Variants in CNTNAP2 observed in about 807,000 individuals in gnomAD.
The protein encoded by CNTNAP2 is contactin associated protein 2.
Under a neutral mutation model 155.2 loss-of-function variants are expected in CNTNAP2, and 98 were observed. That is an observed-to-expected ratio of 0.63 (90% CI 0.54 to 0.75). The LOEUF (loss-of-function observed/expected upper bound fraction) is 0.75. CNTNAP2 is among the 30% of genes least tolerant of loss of function. The pLI, the probability that CNTNAP2 is intolerant of heterozygous loss-of-function variation, is 0.00. For missense variants in CNTNAP2, 1,727 were observed against 1,688.1 expected (o/e 1.02, Z -0.40); for synonymous variants, 651 against 631.2 (o/e 1.03, Z -0.47).
intron 3 of CNTNAP2, among the ~76,000 whole-genome samples, chr7:146,975,419 C>T (rs1323929884): frequency 2.0e-5 from 3 of 152,120 alleles, no homozygotes; most frequent in Admixed American, 1.3e-4. Context: ...GAGCCAAGAT[C>T]ATGCCACTGC....
At position 147,360,452 on chromosome 7, in the gene CNTNAP2, C is replaced by T. The variant is rs547577305; in HGVS notation, c.1499-35157C>T. Among the ~76,000 whole-genome samples the T allele has an allele frequency of 2.6e-5, 4 of 152,206 alleles. 1 individual carries two copies. The South Asian group carries it at 6.2e-4, about 24-fold the overall frequency. Reference sequence around the variant, plus strand: ...AAAAGTGTGTTGACCATACCAGTCCCTATCTTTAAAGACATGAGATAATTT... The same window carrying T: ...AAAAGTGTGTTGACCATACCAGTCCTTATCTTTAAAGACATGAGATAATTT... On this transcript the variant is annotated intron_variant, in intron 9 of 23. Coordinates refer to ENST00000361727, the MANE Select transcript of CNTNAP2 (RefSeq NM_014141.6).
At chr7:146,237,475 T>G (rs1272109979) in intron 1 of CNTNAP2, among the ~76,000 whole-genome samples, 1 of 152,232 alleles carries the variant, frequency 6.6e-6, no homozygotes, top group Non-Finnish European at 1.5e-5. Flanking sequence ...GTCTTCAGTT[T>G]TTCTGATCAA....
intron 13 of CNTNAP2, among the ~76,000 whole-genome samples, chr7:147,793,715 G>T (rs1267998105): frequency 1.3e-5 from 2 of 151,772 alleles, no homozygotes; most frequent in African/African-American, 4.8e-5. Context: ...AATCAGGTGG[G>T]GATTTAATAC....
At chr7:146,392,991 C>G (rs781661714) in intron 1 of CNTNAP2, among the ~76,000 whole-genome samples, 4 of 152,026 alleles carry the variant, frequency 2.6e-5, no homozygotes, top group Non-Finnish European at 5.9e-5. Flanking sequence ...ACTGTGGTAC[C>G]CAGACCAATG....
chr7:148,210,156 A>C (rs946829235), intron 18 of CNTNAP2, among the ~76,000 whole-genome samples: 3 of 152,362 alleles, frequency 2.0e-5, no homozygotes, highest in Non-Finnish European at 4.4e-5. Flanking sequence ...AGAATGATTT[A>C]AAGCCCACAG....
intron 18 of CNTNAP2, among the ~76,000 whole-genome samples, chr7:148,198,362 A>T (rs1795310539): frequency 6.6e-6 from 1 of 152,230 alleles, no homozygotes; most frequent in South Asian, 2.1e-4. Context: ...GATTGTGACC[A>T]TGTGACCTGT....
rs1797824644 is a variant in CNTNAP2 at position 148,323,092 on chromosome 7, A to G, written c.3475+55966A>G. ...GGTGCTGTTGTTAGATGCTTTACCT[A>G]TGTTACCTCTTATCCAGACAATCCT... On this transcript the variant is annotated intron_variant, in intron 21 of 23. Coordinates refer to ENST00000361727, the MANE Select transcript of CNTNAP2 (RefSeq NM_014141.6). Among the ~76,000 whole-genome samples the G allele has an allele frequency of 2.0e-5, 3 of 151,866 alleles. No homozygotes were observed. The South Asian group carries it at 6.2e-4, about 31-fold the overall frequency.
intron 9 of CNTNAP2, among the ~76,000 whole-genome samples, chr7:147,374,090 A>G (rs1245402944): frequency 1.3e-5 from 2 of 152,080 alleles, no homozygotes; most frequent in Admixed American, 6.6e-5. Context: ...AATCTCGAAT[A>G]TTTCAATAAT....
At chr7:146,191,323 G>T (rs1444671677) in intron 1 of CNTNAP2, among the ~76,000 whole-genome samples, 1 of 152,170 alleles carries the variant, frequency 6.6e-6, no homozygotes, top group Non-Finnish European at 1.5e-5. Context: ...AGGGGAGGGA[G>T]TGTACGAATA....
rs139061806 is a variant in CNTNAP2 at position 147,088,978 on chromosome 7, G to C, written c.551-19169G>C. ...AAATGAAAGAAGAAAGAAAGAGAAA[G>C]AGAGAAAGAGAGACAGAGAGATAGA... On this transcript the variant is annotated intron_variant, in intron 4 of 23. Coordinates refer to ENST00000361727, the MANE Select transcript of CNTNAP2 (RefSeq NM_014141.6). Among the ~76,000 whole-genome samples the C allele has an allele frequency of 4.0e-5, 6 of 151,352 alleles. No individual in the cohort carries two copies. In the East Asian group the frequency reaches 9.7e-4, roughly 24 times the overall value.
chr7:147,564,333 G>A (rs544456091), intron 12 of CNTNAP2, among the ~76,000 whole-genome samples: 18 of 152,102 alleles, frequency 1.2e-4, no homozygotes, highest in Non-Finnish European at 1.6e-4. Context: ...ACTTACCAGA[G>A]AGATTAATCT....
At chr7:147,705,472 T>C (rs1305350926) in intron 13 of CNTNAP2, among the ~76,000 whole-genome samples, 1 of 152,174 alleles carries the variant, frequency 6.6e-6, no homozygotes, top group Admixed American at 6.5e-5. Context: ...TCCTAACATA[T>C]GGTCTATCCT....
intron 1 of CNTNAP2, among the ~76,000 whole-genome samples, chr7:146,576,324 A>G (rs1563141714): frequency 1.3e-5 from 2 of 152,180 alleles, no homozygotes; most frequent in Non-Finnish European, 2.9e-5. Flanking sequence ...AATTTTCCCA[A>G]CCAGCTTACA....
At chr7:146,685,959 CTATT>C (rs1315719242) in intron 1 of CNTNAP2, among the ~76,000 whole-genome samples, 1 of 151,954 alleles carries the variant, frequency 6.6e-6, no homozygotes, top group Non-Finnish European at 1.5e-5. Context: ...TTTGTTTAAT[CTATT>C]TAATAACACT....
chr7:147,202,851 T>TA (rs11321167), intron 8 of CNTNAP2, among the ~76,000 whole-genome samples: 1,781 of 148,460 alleles, frequency 0.012, 32 homozygotes, highest in African/African-American at 0.042. Context: ...AAAGTATAAT[T>TA]AAAAAAAAAT....
chr7:148,214,163 C>G (rs1358044505), intron 18 of CNTNAP2, among the ~76,000 whole-genome samples: 1 of 152,212 alleles, frequency 6.6e-6, no homozygotes, highest in Admixed American at 6.5e-5. Flanking sequence ...CCTGCACTTA[C>G]CCCTCTGCAT....
intron 1 of CNTNAP2, among the ~76,000 whole-genome samples, chr7:146,368,048 A>G (rs1795179952): frequency 6.6e-6 from 1 of 152,004 alleles, no homozygotes; most frequent in African/African-American, 2.4e-5. Context: ...TCTTGCTTTG[A>G]GTTCTTAGGT....
At chr7:146,441,801 G>C (rs576714615) in intron 1 of CNTNAP2, among the ~76,000 whole-genome samples, 1 of 151,476 alleles carries the variant, frequency 6.6e-6, no homozygotes, top group Non-Finnish European at 1.5e-5. Context: ...ACACAGAGAT[G>C]ATCAGATATT....
At position 147,336,431 on chromosome 7, in the gene CNTNAP2, A is replaced by G. The variant is rs113924812; in HGVS notation, c.1498+36141A>G. Among the ~76,000 whole-genome samples the G allele has an allele frequency of 1.5e-3, 233 of 152,304 alleles. 2 individuals are homozygous for G. The highest frequency in any genetic ancestry group is 5.4e-3 in the African/African-American group (223 of 41,574). On this transcript the variant is annotated intron_variant, in intron 9 of 23. Transcript: ENST00000361727. ...GCTATATGCAAGTGAAATTAAACAG[A>G]AAACAATCCCAATAGTCCTATTCTT...
Sources: allele counts gnomAD v4.1 joint callset (sites outside exome capture counted in the v4.1 genomes callset), GRCh38; gene constraint gnomAD v4.1.1; transcripts MANE v1.5; gene names NCBI Gene and HGNC (gene_info 2026-07-23, HGNC 2026-07-21).